The following LIMCH1 variants were observed in gnomAD, a reference collection of about 807,000 sequenced individuals.
LIMCH1 encodes LIM and calponin homology domains 1, also known as LIM and calponin homology domains-containing protein 1.
LIMCH1 carries 113 observed loss-of-function variants against 176.5 expected under a neutral mutation model. The observed-to-expected ratio is 0.64, with a 90% confidence interval of 0.55 to 0.75. LIMCH1 has a LOEUF of 0.75. Among genes scored for constraint, LIMCH1 ranks in the 30% least tolerant of loss-of-function variants. The pLI is 0.00. For missense variants in LIMCH1, 1,674 were observed against 1,814.9 expected (o/e 0.92, Z 1.41); for synonymous variants, 619 against 645.9 (o/e 0.96, Z 0.63).
intron 1 of LIMCH1, among the ~76,000 whole-genome samples, chr4:41,456,389 A>G (rs899894270): frequency 6.6e-6 from 1 of 152,140 alleles, no homozygotes; most frequent in African/African-American, 2.4e-5. Context: ...TGCCCAAAAG[A>G]GCAATTGCAA....
chr4:41,600,551 A>C (rs2089734461), intron 2 of LIMCH1, among the ~76,000 whole-genome samples: 1 of 152,058 alleles, frequency 6.6e-6, no homozygotes, highest in Non-Finnish European at 1.5e-5. Context: ...TCTGAGCCTG[A>C]TTGGTTTTAA....
At chr4:41,508,114 G>C (rs572487123) in intron 2 of LIMCH1, among the ~76,000 whole-genome samples, 1 of 152,244 alleles carries the variant, frequency 6.6e-6, no homozygotes, top group East Asian at 1.9e-4. Flanking sequence ...AGACTTGTTT[G>C]GCCAAAAGGT....
intron 1 of LIMCH1, among the ~76,000 whole-genome samples, chr4:41,582,888 C>A (rs1378377588): frequency 1.3e-5 from 2 of 152,062 alleles, no homozygotes; most frequent in Admixed American, 6.6e-5. Context: ...TACCTGTTAG[C>A]TTTGTCGTGG....
At chr4:41,642,313 AT>A (rs35211960) in intron 14 of LIMCH1, among the ~76,000 whole-genome samples, 64,146 of 149,996 alleles carry the variant, frequency 0.43, 13,733 homozygotes, top group South Asian at 0.46. Flanking sequence ...TAAAAGTAAG[AT>A]TTTTTTTTTT....
At chr4:41,365,717 A>G (rs2052866755) in intron 1 of LIMCH1, among the ~76,000 whole-genome samples, 1 of 152,252 alleles carries the variant, frequency 6.6e-6, no homozygotes, top group South Asian at 2.1e-4. Context: ...CTTTCTCACA[A>G]TGACATTTAA....
At chr4:41,571,745 G>T (rs933335132) in intron 1 of LIMCH1, among the ~76,000 whole-genome samples, 1 of 152,142 alleles carries the variant, frequency 6.6e-6, no homozygotes, top group Non-Finnish European at 1.5e-5. Context: ...CAGTATCACT[G>T]CAGGTAATGA....
chr4:41,515,534 C>G (rs1249406615), intron 2 of LIMCH1, among the ~76,000 whole-genome samples: 1 of 152,190 alleles, frequency 6.6e-6, no homozygotes, highest in Non-Finnish European at 1.5e-5. Flanking sequence ...ATAATGCCGG[C>G]CATTGATGAA....
At chr4:41,530,794 TAAA>T (rs386399906) in intron 3 of LIMCH1, among the ~76,000 whole-genome samples, 4 of 30,050 alleles carry the variant, frequency 1.3e-4, no homozygotes, top group Non-Finnish European at 1.4e-4. Context: ...AAACCCCGCC[TAAA>T]AAAAAAAAAA....
intron 1 of LIMCH1, among the ~76,000 whole-genome samples, chr4:41,541,353 G>A (rs1173934140): frequency 6.6e-6 from 1 of 152,136 alleles, no homozygotes; most frequent in Non-Finnish European, 1.5e-5. Flanking sequence ...GGGTACTGCC[G>A]CAGCAGGTGA....
chr4:41,384,124 A>T (rs2154105432), intron 1 of LIMCH1, among the ~76,000 whole-genome samples: 1 of 152,306 alleles, frequency 6.6e-6, no homozygotes, highest in African/African-American at 2.4e-5. Context: ...ATGGTGGGGC[A>T]GAAGCCAGAC....
At chr4:41,664,281 T>G (rs941417486) in intron 20 of LIMCH1, among the ~76,000 whole-genome samples, 1 of 152,184 alleles carries the variant, frequency 6.6e-6, no homozygotes, top group South Asian at 2.1e-4. Context: ...TTATTCATCA[T>G]TTACTCAACC....
intron 20 of LIMCH1, 91 bp downstream of exon 20, chr4:41,663,075 T>C (rs913807802): frequency 8.2e-7 from 1 of 1,223,486 alleles, no homozygotes; most frequent in South Asian, 1.5e-5. Flanking sequence ...TTGTGAATAA[T>C]GAAGATTTAT....
chr4:41,641,233 G>A (rs1284175563), intron 14 of LIMCH1, among the ~76,000 whole-genome samples: 2 of 152,120 alleles, frequency 1.3e-5, no homozygotes, highest in Non-Finnish European at 2.9e-5. Context: ...TCTGGAAGCT[G>A]GCCATCTCCA....
chr4:41,617,199 T>C (rs1424163237), intron 5 of LIMCH1, among the ~76,000 whole-genome samples: 4 of 152,190 alleles, frequency 2.6e-5, no homozygotes, highest in Admixed American at 2.0e-4. Flanking sequence ...TCATAGTTGA[T>C]TGAAGAATCA....
At position 41,370,098 on chromosome 4, in the gene LIMCH1, T is replaced by G. The variant is rs530017224; in HGVS notation, c.96+9162T>G. Among the ~76,000 whole-genome samples the G allele has an allele frequency of 2.0e-5, 3 of 152,288 alleles. No homozygotes were observed. In the East Asian group the frequency reaches 5.8e-4, roughly 29 times the overall value. On this transcript the variant is annotated intron_variant, in intron 1 of 26. Transcript: ENST00000313860. ...TGCTAACCCTCCCCTCAAGTTAGAC[T>G]GGGTCAGGGCTCGTTGGAGTTCCTG...
chr4:41,632,201 G>A (rs960567837), intron 10 of LIMCH1, among the ~76,000 whole-genome samples: 9 of 152,264 alleles, frequency 5.9e-5, no homozygotes, highest in Admixed American at 5.2e-4. Flanking sequence ...GTGTAAAACC[G>A]GATTGCCCTG....
rs181680715 is a variant in LIMCH1 at position 41,660,086 on chromosome 4, A to G, written c.3037-1334A>G. On this transcript the variant is annotated intron_variant, in intron 18 of 31. Coordinates refer to ENST00000503057, the MANE Select transcript of LIMCH1 (RefSeq NM_001330672.2). ...ATTTTCTTACTATCTTTTTTTCTATATGTTTATGTATAGGCATGTATATAA... is the reference window on the plus strand; with the variant it reads ...ATTTTCTTACTATCTTTTTTTCTATGTGTTTATGTATAGGCATGTATATAA... 2.6e-5 allele frequency among the ~76,000 whole-genome samples: 4 copies of G among 152,216 alleles called. No homozygotes were observed. The East Asian group carries it at 7.7e-4, about 29-fold the overall frequency.
chr4:41,538,412 A>G (rs941554242), intron 1 of LIMCH1, 62 bp downstream of exon 1: 16 of 926,354 alleles, frequency 1.7e-5, no homozygotes, highest in Non-Finnish European at 2.1e-5. Flanking sequence ...GAAAGAAGGA[A>G]GCTATTTAGA....
At chr4:41,364,918 T>C (rs2052741343) in intron 1 of LIMCH1, among the ~76,000 whole-genome samples, 1 of 152,170 alleles carries the variant, frequency 6.6e-6, no homozygotes, top group African/African-American at 2.4e-5. Context: ...GTGGTATTTA[T>C]TGAGTTACAA....
Sources: gnomAD v4.1 joint callset for allele counts (sites outside exome capture counted in the v4.1 genomes callset) on GRCh38, gnomAD v4.1.1 for gene constraint, MANE v1.5 for transcripts, NCBI Gene and HGNC (gene_info 2026-07-23, HGNC 2026-07-21) for gene names.